The following FAM13A variants were observed in gnomAD, a reference collection of about 807,000 sequenced individuals.
FAM13A encodes protein FAM13A.
Under a neutral mutation model 129.6 loss-of-function variants are expected in FAM13A, and 76 were observed. That is an observed-to-expected ratio of 0.59 (90% CI 0.49 to 0.71). The LOEUF (loss-of-function observed/expected upper bound fraction) is 0.71. FAM13A is among the 30% of genes least tolerant of loss of function. The probability of loss-of-function intolerance (pLI) is 0.00; values close to 1 mark genes in which losing one functional copy is unlikely to be tolerated. For synonymous variants in FAM13A, 443 were observed against 449.9 expected (o/e 0.98, Z 0.20); for missense variants, 1,108 against 1,249.3 (o/e 0.89, Z 1.70).
intron 5 of FAM13A, among the ~76,000 whole-genome samples, chr4:88,912,633 G>GT (rs1749273732): frequency 6.6e-6 from 1 of 150,788 alleles, no homozygotes; most frequent in Non-Finnish European, 1.5e-5. Context: ...GGAAAACCTT[G>GT]AACATATACA....
chr4:88,932,162 A>T (rs1203512073), intron 5 of FAM13A, among the ~76,000 whole-genome samples: 1 of 152,182 alleles, frequency 6.6e-6, no homozygotes, highest in Non-Finnish European at 1.5e-5. Flanking sequence ...GCCTCAGTTA[A>T]ATCTCTAAGA....
At chr4:88,979,352 A>C (rs1022135059) in intron 4 of FAM13A, among the ~76,000 whole-genome samples, 2 of 152,160 alleles carry the variant, frequency 1.3e-5, no homozygotes, top group Non-Finnish European at 1.5e-5. Context: ...AAAAATAATT[A>C]AGTAAGTGTG....
At chr4:88,927,228 T>C (rs1455709512) in intron 5 of FAM13A, among the ~76,000 whole-genome samples, 2 of 152,130 alleles carry the variant, frequency 1.3e-5, no homozygotes, top group East Asian at 3.9e-4. Flanking sequence ...GCTAGTAGTG[T>C]AAATGGGATT....
intron 14 of FAM13A, among the ~76,000 whole-genome samples, chr4:88,754,433 A>C (rs1415558370): frequency 1.3e-5 from 2 of 152,228 alleles, no homozygotes; most frequent in Admixed American, 1.3e-4. Context: ...TCCACTTACT[A>C]TACAAAAGAA....
chr4:88,787,048 T>C (rs1468067070), intron 10 of FAM13A, among the ~76,000 whole-genome samples: 2 of 152,094 alleles, frequency 1.3e-5, no homozygotes, highest in Non-Finnish European at 2.9e-5. Context: ...AATATCTGTA[T>C]AGTCTATTCT....
chr4:89,016,970 A>G (rs1331469980), intron 3 of FAM13A, among the ~76,000 whole-genome samples: 3 of 152,164 alleles, frequency 2.0e-5, no homozygotes, highest in Non-Finnish European at 4.4e-5. Context: ...GTTGAGATAC[A>G]CAAGTGTTTT....
chr4:88,865,876 CTCTTT>C (rs1158308493), intron 6 of FAM13A, among the ~76,000 whole-genome samples: 4 of 93,980 alleles, frequency 4.3e-5, no homozygotes, highest in Admixed American at 2.2e-4. Context: ...CTTTGTCTCT[CTCTTT>C]TTTTTTTTTT....
intron 3 of FAM13A, among the ~76,000 whole-genome samples, chr4:88,994,058 G>A (rs935713692): frequency 1.3e-5 from 2 of 151,696 alleles, no homozygotes; most frequent in African/African-American, 4.8e-5. Context: ...AAAGTCAAAA[G>A]TAACTGAGAA....
chr4:88,973,660 C>T (rs1056594275), intron 4 of FAM13A, among the ~76,000 whole-genome samples: 7 of 152,134 alleles, frequency 4.6e-5, no homozygotes, highest in Non-Finnish European at 7.4e-5. Context: ...CTTGCTCTGC[C>T]ACTTTAACCT....
intron 6 of FAM13A, among the ~76,000 whole-genome samples, chr4:88,900,671 C>T (rs1041876074): frequency 3.3e-5 from 5 of 152,016 alleles, no homozygotes; most frequent in African/African-American, 7.2e-5. Flanking sequence ...AAAGAAAAAC[C>T]GTTACCAGCC....
chr4:88,855,347 G>A (rs536040502), intron 6 of FAM13A: 2 of 152,124 alleles, frequency 1.3e-5, no homozygotes, highest in South Asian at 4.2e-4. Context: ...AAACTAGATG[G>A]AAGATATGTT....
At chr4:89,004,686 G>A (rs1211031808) in intron 3 of FAM13A, among the ~76,000 whole-genome samples, 4 of 152,142 alleles carry the variant, frequency 2.6e-5, no homozygotes, top group African/African-American at 9.7e-5. Flanking sequence ...AAGCTTAAAA[G>A]CAGAAAAAAT....
intron 6 of FAM13A, among the ~76,000 whole-genome samples, chr4:88,887,978 G>C (rs1192236515): frequency 6.6e-6 from 1 of 151,986 alleles, no homozygotes. Context: ...CTTTATGCAA[G>C]ATTTAAAAAT....
At chr4:88,991,871 A>G (rs1207640804) in intron 3 of FAM13A, among the ~76,000 whole-genome samples, 1 of 152,176 alleles carries the variant, frequency 6.6e-6, no homozygotes, top group African/African-American at 2.4e-5. Context: ...CACTTTTAGT[A>G]AGAATACTGC....
intron 4 of FAM13A, among the ~76,000 whole-genome samples, chr4:88,956,275 G>C (rs1279926316): frequency 2.6e-5 from 4 of 152,136 alleles, no homozygotes; most frequent in African/African-American, 9.7e-5. Flanking sequence ...TGTTAGTTTA[G>C]ATATGTTCAG....
At chr4:88,886,937 T>C (rs1744523824) in intron 6 of FAM13A, among the ~76,000 whole-genome samples, 2 of 151,430 alleles carry the variant, frequency 1.3e-5, no homozygotes, top group African/African-American at 4.9e-5. Flanking sequence ...TTATGATATA[T>C]ATATTACCCA....
chr4:89,008,415 G>A (rs1189578941), intron 3 of FAM13A, among the ~76,000 whole-genome samples: 4 of 152,182 alleles, frequency 2.6e-5, no homozygotes, highest in African/African-American at 7.2e-5. Context: ...CAGCAAGAAA[G>A]TGACATCTGC....
intron 6 of FAM13A, 131 bp from the exon 7 acceptor site, chr4:88,851,314 C>A: frequency 1.4e-6 from 1 of 721,426 alleles, no homozygotes; most frequent in Non-Finnish European, 2.2e-6. Flanking sequence ...AGAAAAATAT[C>A]AAGCTAAAAA....
chr4:88,853,642 G>A (rs1737998833), intron 6 of FAM13A, among the ~76,000 whole-genome samples: 1 of 152,192 alleles, frequency 6.6e-6, no homozygotes, highest in Non-Finnish European at 1.5e-5. Flanking sequence ...GTGTTAAAAT[G>A]AGGAGACTGT....
Sources: allele counts gnomAD v4.1 joint callset (sites outside exome capture counted in the v4.1 genomes callset), GRCh38; gene constraint gnomAD v4.1.1; transcripts MANE v1.5; gene names NCBI Gene and HGNC (gene_info 2026-07-23, HGNC 2026-07-21).